ERICH5: variants seen among roughly 807,000 people sequenced by gnomAD.
ERICH5 encodes glutamate rich 5.
ERICH5 carries 24 observed loss-of-function variants against 28.0 expected under a neutral mutation model. That is an observed-to-expected ratio of 0.86 (90% CI 0.62 to 1.21). The LOEUF is 1.21. ERICH5 is among the 50% of genes most tolerant of loss of function. ERICH5 has a pLI of 0.00. For synonymous variants in ERICH5, 163 were observed against 157.6 expected, an observed-to-expected ratio of 1.03 and a Z score of -0.25; for missense variants, 421 against 441.2, an observed-to-expected ratio of 0.95 and a Z score of 0.41.
Position 98,064,788 on chromosome 8 carries a change from A to C in ERICH5, c.58+61A>C. ...GGGGACTCGGGTGGGCTAACTCCCC[A>C]GGAGGTCCAAAGGGTGTGTCCCGTG... On this transcript the variant is annotated intron_variant, in intron 1 of 2. Transcript: ENST00000318528. The C allele has an allele frequency of 2.8e-6, 4 of 1,427,804 alleles. 1 individual carries two copies. The South Asian group carries it at 5.1e-5, about 18-fold the overall frequency. The allele number at this position is 1,427,804 out of a possible 1,614,324, so 88.4% of individuals were successfully genotyped here. A position where few individuals can be genotyped will look rare whatever the true frequency, so the allele number is the denominator to read the frequency against.
intron 1 of ERICH5, among the ~76,000 whole-genome samples, chr8:98,078,190 A>C (rs1362086945): frequency 1.3e-5 from 2 of 152,214 alleles, no homozygotes; most frequent in African/African-American, 4.8e-5. Flanking sequence ...ACATGCTTTG[A>C]TGTGGGAAAA....
intron 1 of ERICH5, among the ~76,000 whole-genome samples, chr8:98,088,763 A>G (rs1281256265): frequency 6.6e-6 from 1 of 152,238 alleles, no homozygotes; most frequent in Non-Finnish European, 1.5e-5. Flanking sequence ...CAAGGAAAAG[A>G]AGAGAGAAAC....
At position 98,089,362 on chromosome 8, in the gene ERICH5, G is replaced by A. The variant is rs138721529; in HGVS notation, c.345G>A (p.Pro115=). ...GAGAGGGACTGGAGGAATCTGGGCC[G>A]CCTCAACCAGGTGGCAAAGAGGATG... ...QPGEGLEESG[P]PQPGGKEDAP... is the part of the protein sequence containing the mutation. The change falls in exon 2 of 3, where the codon CCG becomes CCA. Residue 115 remains proline (P), a synonymous_variant. Transcript: ENST00000318528. 29 of 1,614,112 alleles carry A rather than the reference G, an allele frequency of 1.8e-5. No individual in the cohort carries two copies. Among genetic ancestry groups the A allele is most frequent in the East Asian group, 4.5e-5 (2 of 44,900 alleles).
Position 98,091,908 on chromosome 8 carries a change from TCTTTCTTTCTTC to T in ERICH5, c.1013-1301_1013-1290del, listed in dbSNP as rs1442099084. ...TCTTTCTTTCTTTCTTTCCTTTCTT[TCTTTCTTTCTTC>T]CTTTCTTTCTTTCTTCCTTTCTTTC... On this transcript the variant is annotated intron_variant, in intron 2 of 2. Transcript: ENST00000318528. 1.3e-3 allele frequency among the ~76,000 whole-genome samples: 120 copies of T among 93,074 alleles called. 3 individuals carry two copies. Among genetic ancestry groups the T allele is most frequent in the Middle Eastern group, 5.1e-3 (1 of 198 alleles). 61.1% of individuals were successfully genotyped at this position (93,074 alleles called of 152,430 possible).
At chr8:98,073,432 CTATA>C (rs1185025027) in intron 1 of ERICH5, among the ~76,000 whole-genome samples, 300 of 15,014 alleles carry the variant, frequency 0.02, 56 homozygotes, top group South Asian at 0.042. Context: ...CTCTCTCTCT[CTATA>C]TATATATATA....
chr8:98,070,683 GAAAAGAAAAGA>G (rs1241062097), intron 1 of ERICH5, among the ~76,000 whole-genome samples: 2 of 76,694 alleles, frequency 2.6e-5, no homozygotes, highest in Admixed American at 1.3e-4. Context: ...AAAAAAAAAA[GAAAAGAAAAGA>G]AAAAGAAAAG....
chr8:98,084,670 C>T (rs1274902696), intron 1 of ERICH5, among the ~76,000 whole-genome samples: 11 of 152,170 alleles, frequency 7.2e-5, no homozygotes, highest in Non-Finnish European at 1.0e-4. Flanking sequence ...TGTGAGCCAC[C>T]GCACCCAGCT....
rs1340005967 is a variant in ERICH5, at chr8:98,064,652, G to C, written c.-18G>C. The C allele has an allele frequency of 2.0e-6, 3 of 1,523,444 alleles. No homozygotes were observed. The Admixed American group carries it at 5.9e-5, about 30-fold the overall frequency. 94.4% of individuals were successfully genotyped at this position (1,523,444 alleles called of 1,614,324 possible). ...CGACACCCGCGCAGGGCTGAGACAG[G>C]TGTCTGCGCTCCCCGCAATGGGCTG... On this transcript the variant is annotated 5_prime_UTR_variant, in exon 1 of 3. Coordinates refer to ENST00000318528, the MANE Select transcript of ERICH5 (RefSeq NM_173549.3).
In ERICH5 at chr8:98,064,743, G is replaced by C. The variant is rs1453358355; in HGVS notation, c.58+16G>C. The C allele has an allele frequency of 3.9e-6, 6 of 1,523,682 alleles. No homozygotes were observed. In the East Asian group the frequency reaches 1.2e-4, roughly 31 times the overall value. 94.4% of individuals were successfully genotyped at this position (1,523,682 alleles called of 1,614,324 possible). On this transcript the variant is annotated intron_variant, in intron 1 of 2. Coordinates refer to ENST00000318528, the MANE Select transcript of ERICH5 (RefSeq NM_173549.3). ...TTCCCCAGCGGTGAGCAGGGTACCG[G>C]CGCCGCCCGCGCCCGGGCTGGGGAC...
Position 98,090,082 on chromosome 8 carries a change from A to C in ERICH5, c.1012+53A>C, listed in dbSNP as rs113270154. 2,285 of 1,341,324 alleles carry C rather than the reference A, an allele frequency of 1.7e-3. 29 individuals carry two copies. In the African/African-American group the frequency reaches 0.029, roughly 17 times the overall value. The allele number at this position is 1,341,324 out of a possible 1,614,324, so 83.1% of individuals were successfully genotyped here. A position where few individuals can be genotyped will look rare whatever the true frequency, so the allele number is the denominator to read the frequency against. ...GTTTAGATGTGCTCCATAGGAGACC[A>C]GCTCTGGGGAGTGGGATGGGGTGAC... On this transcript the variant is annotated intron_variant, in intron 2 of 2. Coordinates refer to ENST00000318528, the MANE Select transcript of ERICH5 (RefSeq NM_173549.3).
intron 1 of ERICH5, among the ~76,000 whole-genome samples, chr8:98,084,852 T>G (rs868589490): frequency 3.9e-5 from 6 of 152,308 alleles, no homozygotes; most frequent in Admixed American, 1.3e-4. Flanking sequence ...CTGGTTTATC[T>G]GTACACCATG....
At chr8:98,067,685 G>A (rs974978363) in intron 1 of ERICH5, among the ~76,000 whole-genome samples, 6 of 150,886 alleles carry the variant, frequency 4.0e-5, no homozygotes, top group Non-Finnish European at 5.9e-5. Flanking sequence ...GCATGATCTC[G>A]GCTCACTGCA....
intron 1 of ERICH5, among the ~76,000 whole-genome samples, chr8:98,070,026 C>T (rs548638212): frequency 1.3e-5 from 2 of 152,230 alleles, no homozygotes; most frequent in South Asian, 2.1e-4. Flanking sequence ...AGCTAGAAAA[C>T]GAAGCTTAAT....
intron 1 of ERICH5, among the ~76,000 whole-genome samples, chr8:98,077,674 A>G (rs766612617): frequency 3.3e-5 from 5 of 152,112 alleles, no homozygotes; most frequent in Non-Finnish European, 7.4e-5. Flanking sequence ...GAGTTCAACA[A>G]TTGTTCCAAG....
Position 98,070,678 on chromosome 8 carries a change from A to AAAAAG in ERICH5, c.58+5966_58+5970dup, listed in dbSNP as rs1207083037. Among the ~76,000 whole-genome samples, 66 of 142,938 alleles carry AAAAAG rather than the reference A, an allele frequency of 4.6e-4. 1 individual carries two copies. Among genetic ancestry groups the AAAAAG allele is most frequent in the African/African-American group, 1.6e-3 (60 of 37,094 alleles). 93.8% of individuals were successfully genotyped at this position (142,938 alleles called of 152,430 possible). ...TGCATCTCAAAAAAAAAAAAAAAAA[A>AAAAAG]AAAAGAAAAGAAAAGAAAAAGAAAA... On this transcript the variant is annotated intron_variant, in intron 1 of 2. Coordinates refer to ENST00000318528, the MANE Select transcript of ERICH5 (RefSeq NM_173549.3).
intron 1 of ERICH5, among the ~76,000 whole-genome samples, chr8:98,088,407 A>G (rs1184079959): frequency 6.6e-6 from 1 of 152,220 alleles, no homozygotes; most frequent in African/African-American, 2.4e-5. Flanking sequence ...TACAGTTGGA[A>G]CAATGGCCAG....
In ERICH5 at chr8:98,089,548, G is replaced by T; in HGVS notation, c.531G>T (p.Glu177Asp). 1 of 1,614,188 alleles carries T rather than the reference G, an allele frequency of 6.2e-7. No individual in the cohort carries two copies. Among genetic ancestry groups the T allele is most frequent in the Non-Finnish European group, 8.5e-7 (1 of 1,180,046 alleles). ...KDSLRAVEVT[E>D]NPQTAAEMKP... ...CTCTCAGAGCAGTGGAGGTCACTGA[G>T]AATCCACAAACTGCTGCAGAGATGA... Residue 177 changes from glutamate to aspartate, a missense_variant, in exon 2 of 3, where the codon GAG becomes GAT. Glu to Asp is a conservative substitution (Grantham distance 45). Transcript: ENST00000318528.
chr8:98,081,477 A>C (rs1313002622), intron 1 of ERICH5, among the ~76,000 whole-genome samples: 1 of 152,162 alleles, frequency 6.6e-6, no homozygotes, highest in Non-Finnish European at 1.5e-5. Context: ...AAGATTGACA[A>C]GATTAGTGGG....
chr8:98,089,162 A>C lies in ERICH5; in HGVS notation c.145A>C (p.Thr49Pro). ...GCCACATGCACTGGGAAGAGAATCT[A>C]CTGTTGATGGCAATGTACAAAGGGA... ...PKPHALGRES[T>P]VDGNVQRESR... The change falls in exon 2 of 3, where the codon ACT becomes CCT. Residue 49 changes from threonine to proline, a missense_variant. Thr to Pro is a conservative substitution (Grantham distance 38). Coordinates refer to ENST00000318528, the MANE Select transcript of ERICH5 (RefSeq NM_173549.3). 6.2e-7 allele frequency: 1 copy of C among 1,614,232 alleles called. No individual in the cohort carries two copies.
Sources: allele counts gnomAD v4.1 joint callset (sites outside exome capture counted in the v4.1 genomes callset), GRCh38; gene constraint gnomAD v4.1.1; transcripts MANE v1.5; gene names NCBI Gene and HGNC (gene_info 2026-07-23, HGNC 2026-07-21).